NCALD: variants seen among roughly 807,000 people sequenced by gnomAD.
The protein encoded by NCALD is neurocalcin delta.
A neutral mutation model predicts 18.6 loss-of-function variants in NCALD; 10 were observed. That is an observed-to-expected ratio of 0.54 (90% confidence interval 0.33 to 0.91). NCALD has a LOEUF of 0.91. NCALD is among the 40% of genes least tolerant of loss of function. The pLI is 0.03. For synonymous variants in NCALD, 88 were observed against 87.4 expected, an observed-to-expected ratio of 1.01 and a Z score of -0.04; for missense variants, 184 against 247.6, an observed-to-expected ratio of 0.74 and a Z score of 1.72.
chr8:101,712,467 A>AAT (rs1815842157), intron 2 of NCALD, among the ~76,000 whole-genome samples: 3 of 152,086 alleles, frequency 2.0e-5, no homozygotes, highest in Admixed American at 2.0e-4. Flanking sequence ...CAGACTGGCA[A>AAT]ATTGGATAAA....
Position 102,000,634 on chromosome 8 carries a change from G to T in NCALD, c.-157+19603C>A, listed in dbSNP as rs541843465. 2.6e-5 allele frequency among the ~76,000 whole-genome samples: 4 copies of T among 152,334 alleles called. No individual in the cohort carries two copies. In the East Asian group the frequency reaches 7.7e-4, roughly 29 times the overall value. On this transcript the variant is annotated intron_variant, in intron 2 of 6. Coordinates refer to the NCALD transcript ENST00000311028. ...AACTGGGAGGCATCCCCCAGTAGGA[G>T]CAGACTGACACCTCACACAGCTGGG...
chr8:101,937,937 G>A (rs1818822231), intron 2 of NCALD, among the ~76,000 whole-genome samples: 3 of 152,204 alleles, frequency 2.0e-5, no homozygotes, highest in Admixed American at 2.0e-4. Flanking sequence ...TGGTCTCCAA[G>A]TCACGTACTA....
intron 4 of NCALD, among the ~76,000 whole-genome samples, chr8:101,830,168 G>A: frequency 6.6e-6 from 1 of 152,120 alleles, no homozygotes; most frequent in East Asian, 1.9e-4. Context: ...GATCTCAATG[G>A]AGTGTTAATA....
At chr8:101,766,822 G>A (rs560397584) in intron 1 of NCALD, among the ~76,000 whole-genome samples, 44 of 152,214 alleles carry the variant, frequency 2.9e-4, no homozygotes, top group Non-Finnish European at 5.4e-4. Flanking sequence ...CAGGTGATCC[G>A]CCCACCTGGG....
At chr8:101,943,979 CA>C (rs34356914) in intron 2 of NCALD, among the ~76,000 whole-genome samples, 80,438 of 150,420 alleles carry the variant, frequency 0.53, 21,974 homozygotes, top group Middle Eastern at 0.59. Context: ...AACAAACAAA[CA>C]AAAAAAAACA....
rs557523014 is a variant in NCALD, at chr8:101,993,425, A to G, written c.-157+26812T>C. Among the ~76,000 whole-genome samples, 3 of 152,330 alleles carry G rather than the reference A, an allele frequency of 2.0e-5. No homozygotes were observed. In the Middle Eastern group the frequency reaches 0.01, roughly 518 times the overall value. On this transcript the variant is annotated intron_variant, in intron 2 of 6. Coordinates refer to the NCALD transcript ENST00000311028. Reference sequence around the variant, plus strand: ...CATCTGCTAATTGGCTGTTGAACCAATGTCCCAGCAAAGGGAAGAGGAGCT... The same window carrying G: ...CATCTGCTAATTGGCTGTTGAACCAGTGTCCCAGCAAAGGGAAGAGGAGCT...
chr8:101,700,405 C>T (rs1406500098), intron 2 of NCALD, among the ~76,000 whole-genome samples: 2 of 152,080 alleles, frequency 1.3e-5, no homozygotes, highest in African/African-American at 4.8e-5. Context: ...CTTGGGAGGT[C>T]TCATATGTGG....
intron 1 of NCALD, among the ~76,000 whole-genome samples, chr8:102,112,266 C>T (rs1187125987): frequency 2.0e-5 from 3 of 152,080 alleles, no homozygotes; most frequent in Non-Finnish European, 4.4e-5. Flanking sequence ...CACAGTAACC[C>T]CATAAGGCAG....
chr8:101,942,425 C>G (rs972124483), intron 2 of NCALD, among the ~76,000 whole-genome samples: 2 of 152,142 alleles, frequency 1.3e-5, no homozygotes, highest in Admixed American at 6.5e-5. Context: ...ATAGAGAAAA[C>G]AGAATCCAAA....
intron 4 of NCALD, among the ~76,000 whole-genome samples, chr8:101,843,154 A>C (rs574554275): frequency 6.6e-6 from 1 of 152,346 alleles, no homozygotes; most frequent in Non-Finnish European, 1.5e-5. Context: ...ACAATAAACC[A>C]TATATCCCTA....
At chr8:101,904,021 C>T (rs945932076) in intron 3 of NCALD, among the ~76,000 whole-genome samples, 2 of 152,202 alleles carry the variant, frequency 1.3e-5, no homozygotes, top group Non-Finnish European at 2.9e-5. Flanking sequence ...TAGGGATGAG[C>T]ATAAATGGCC....
chr8:102,071,597 A>G (rs1824180075), intron 1 of NCALD, among the ~76,000 whole-genome samples: 1 of 152,240 alleles, frequency 6.6e-6, no homozygotes, highest in African/African-American at 2.4e-5. Context: ...TATATCTAGC[A>G]AATCTGAAGA....
chr8:101,688,722 T>C lies in NCALD; in HGVS notation c.*587A>G, dbSNP rs1426238967. 1 of 498,194 alleles carries C rather than the reference T, an allele frequency of 2.0e-6. No individual in the cohort carries two copies. The highest frequency in any genetic ancestry group is 3.9e-6 in the Non-Finnish European group (1 of 254,978). 30.9% of individuals were successfully genotyped at this position (498,194 alleles called of 1,614,324 possible). ...TAGCTGAGCCATCTTTTTCCTCTCCTCTGTTAATTTATCTTGAAATGTTCA... is the reference window on the plus strand; with the variant it reads ...TAGCTGAGCCATCTTTTTCCTCTCCCCTGTTAATTTATCTTGAAATGTTCA... On this transcript the variant is annotated 3_prime_UTR_variant, in exon 4 of 4. Transcript: ENST00000220931.
chr8:101,774,437 G>GA (rs913048686), intron 1 of NCALD, among the ~76,000 whole-genome samples: 19 of 151,222 alleles, frequency 1.3e-4, no homozygotes, highest in Admixed American at 4.6e-4. Flanking sequence ...CCCTTGAGGA[G>GA]AAAAAAAAAT....
chr8:102,033,021 G>A (rs1822735007), intron 1 of NCALD, among the ~76,000 whole-genome samples: 2 of 152,152 alleles, frequency 1.3e-5, no homozygotes, highest in Admixed American at 6.5e-5. Context: ...AGTATGAAGT[G>A]GGCAAAGATT....
At chr8:102,096,575 T>C (rs1288031663) in intron 1 of NCALD, among the ~76,000 whole-genome samples, 1 of 152,258 alleles carries the variant, frequency 6.6e-6, no homozygotes, top group African/African-American at 2.4e-5. Flanking sequence ...GGTTGATTTT[T>C]GCAACCAATC....
intron 4 of NCALD, among the ~76,000 whole-genome samples, chr8:101,825,823 C>T (rs1421036349): frequency 1.3e-5 from 2 of 152,162 alleles, no homozygotes; most frequent in African/African-American, 2.4e-5. Context: ...CACTGTAGCA[C>T]AAAAGCAGCT....
rs1822930887 is a variant in NCALD at position 102,038,033 on chromosome 8, A to G, written c.-209-17744T>C. ...CACTCATAAGTCATCTCAGTTTATC[A>G]GTTTGCAGGAATGTAAGCTTCACAC... On this transcript the variant is annotated intron_variant, in intron 1 of 6. Coordinates refer to the NCALD transcript ENST00000311028. 2.0e-5 allele frequency among the ~76,000 whole-genome samples: 3 copies of G among 152,098 alleles called. No individual in the cohort carries two copies. In the South Asian group the frequency reaches 6.2e-4, roughly 32 times the overall value.
chr8:101,862,048 G>T (rs1310222341), intron 4 of NCALD, among the ~76,000 whole-genome samples: 1 of 152,086 alleles, frequency 6.6e-6, no homozygotes, highest in Admixed American at 6.5e-5. Context: ...TCATCACCAG[G>T]CTGCCCTTAA....
Sources: gnomAD v4.1 joint callset for allele counts (sites outside exome capture counted in the v4.1 genomes callset) on GRCh38, gnomAD v4.1.1 for gene constraint, MANE v1.5 for transcripts, NCBI Gene and HGNC (gene_info 2026-07-23, HGNC 2026-07-21) for gene names.